Variants in AGTPBP1 observed in about 807,000 individuals in gnomAD.
The protein encoded by AGTPBP1 is cytosolic carboxypeptidase 1.
In AGTPBP1, 70 loss-of-function variants were observed where a neutral mutation model predicts 143.9. The ratio of observed to expected loss-of-function variants is 0.49; its 90% CI spans 0.40 to 0.59. AGTPBP1 has a LOEUF of 0.59. Among genes scored for constraint, AGTPBP1 ranks in the 20% least tolerant of loss-of-function variants. The pLI is 0.00. For missense variants in AGTPBP1, 1,229 were observed against 1,464.5 expected, an observed-to-expected ratio of 0.84 and a Z score of 2.62; for synonymous variants, 463 against 500.2, an observed-to-expected ratio of 0.93 and a Z score of 0.99.
chr9:85,632,149 C>A (rs945879113), intron 14 of AGTPBP1, among the ~76,000 whole-genome samples: 1 of 151,646 alleles, frequency 6.6e-6, no homozygotes, highest in South Asian at 2.1e-4. Context: ...ACATACAATG[C>A]GTAATAATCA....
Position 85,647,428 on chromosome 9 carries a change from A to G in AGTPBP1, c.1088-1010T>C, listed in dbSNP as rs367780038. ...ATGAGGTTAAAGAGCAGAAAGGAGT[A>G]AACATGTAATTATAATACCAAAGAT... On this transcript the variant is annotated intron_variant, in intron 11 of 25. Transcript: ENST00000357081. Among the ~76,000 whole-genome samples, 23 of 152,344 alleles carry G rather than the reference A, an allele frequency of 1.5e-4. 1 individual carries two copies. The highest frequency in any genetic ancestry group is 5.5e-4 in the African/African-American group (23 of 41,582).
At chr9:85,561,462 T>G (rs76587662) in intron 25 of AGTPBP1, among the ~76,000 whole-genome samples, 8,823 of 150,714 alleles carry the variant, frequency 0.059, 347 homozygotes, top group Non-Finnish European at 0.087. Context: ...ATCCTAACAG[T>G]GGAGGACAGA....
chr9:85,601,178 T>C (rs554417903), intron 17 of AGTPBP1, among the ~76,000 whole-genome samples: 3 of 152,276 alleles, frequency 2.0e-5, no homozygotes, highest in East Asian at 1.9e-4. Context: ...GATAGCTGCA[T>C]AGCAATCCCT....
chr9:85,720,329 C>T (rs1838021418), intron 1 of AGTPBP1, among the ~76,000 whole-genome samples: 1 of 152,306 alleles, frequency 6.6e-6, no homozygotes, highest in Admixed American at 6.5e-5. Flanking sequence ...ATTGTTGCCT[C>T]AATTTCAGAA....
intron 23 of AGTPBP1, among the ~76,000 whole-genome samples, chr9:85,579,323 C>T (rs899718449): frequency 2.0e-5 from 3 of 151,942 alleles, no homozygotes; most frequent in African/African-American, 7.3e-5. Context: ...ATGGAAGAAT[C>T]GTATTCACGG....
chr9:85,765,412 T>G, the AGTPBP1 span, among the ~76,000 whole-genome samples: 3 of 152,170 alleles, frequency 2.0e-5, no homozygotes. Flanking sequence ...GCCAAATAGA[T>G]GCACAAAATT....
At chr9:85,741,745 G>A in intron 1 of AGTPBP1, 30 bp downstream of exon 1, 2 of 1,290,030 alleles carry the variant, frequency 1.6e-6, no homozygotes, top group East Asian at 3.1e-5. Context: ...ACGGCCGGCC[G>A]GGACATGAGG....
intron 13 of AGTPBP1, among the ~76,000 whole-genome samples, chr9:85,641,208 C>T (rs1335570522): frequency 6.6e-6 from 1 of 152,200 alleles, no homozygotes; most frequent in South Asian, 2.1e-4. Flanking sequence ...ATATATTTCT[C>T]ATATGTACAG....
upstream of AGTPBP1, among the ~76,000 whole-genome samples, chr9:85,744,790 G>T (rs549770743): frequency 4.7e-4 from 71 of 152,312 alleles, no homozygotes; most frequent in Non-Finnish European, 8.8e-4. Flanking sequence ...TACGAAACAT[G>T]GGTGGGAGCT....
the AGTPBP1 span, among the ~76,000 whole-genome samples, chr9:85,757,813 G>A: frequency 6.6e-6 from 1 of 152,134 alleles, no homozygotes; most frequent in Non-Finnish European, 1.5e-5. Flanking sequence ...TGAAAACAGG[G>A]CATAGTCATG....
In AGTPBP1 at chr9:85,625,668, G is replaced by C. The variant is rs555447428; in HGVS notation, c.2016-4383C>G. 3.3e-5 allele frequency among the ~76,000 whole-genome samples: 5 copies of C among 151,774 alleles called. No individual in the cohort carries two copies. In the East Asian group the frequency reaches 7.8e-4, roughly 24 times the overall value. ...TGGGAGGCTGAGGTGGGCAGAACAC[G>C]ATGGCAGGAGATCGAGACCATCCTG... is the stretch of plus-strand genomic sequence containing the variant. On this transcript the variant is annotated intron_variant, in intron 14 of 25. Coordinates refer to ENST00000357081, the MANE Select transcript of AGTPBP1 (RefSeq NM_001330701.2).
chr9:85,779,279 A>G, the AGTPBP1 span, among the ~76,000 whole-genome samples: 1 of 150,322 alleles, frequency 6.7e-6, no homozygotes, highest in Non-Finnish European at 1.5e-5. Flanking sequence ...AGCTATCTAT[A>G]TAAATATCTA....
chr9:85,672,800 T>C, intron 6 of AGTPBP1, 119 bp from the exon 7 acceptor site: 1 of 711,986 alleles, frequency 1.4e-6, no homozygotes, highest in East Asian at 3.3e-5. Context: ...AGTGGCTCCA[T>C]CTCAGCTCAC....
chr9:85,652,718 G>T (rs550897127), intron 11 of AGTPBP1, among the ~76,000 whole-genome samples: 2 of 152,246 alleles, frequency 1.3e-5, no homozygotes, highest in South Asian at 4.1e-4. Flanking sequence ...CCTGAGTTCT[G>T]TGAGCCATTC....
intron 2 of AGTPBP1, among the ~76,000 whole-genome samples, chr9:85,699,151 T>A (rs1270265670): frequency 6.6e-6 from 1 of 152,096 alleles, no homozygotes; most frequent in East Asian, 1.9e-4. Flanking sequence ...TAATTTCATT[T>A]ATTTATTTAT....
At chr9:85,590,329 A>AT (rs1301687903) in intron 19 of AGTPBP1, among the ~76,000 whole-genome samples, 3 of 152,186 alleles carry the variant, frequency 2.0e-5, no homozygotes, top group Non-Finnish European at 2.9e-5. Flanking sequence ...ATTTGATTTT[A>AT]TCACTTAAAA....
At chr9:85,714,483 T>A (rs1403197606) in intron 1 of AGTPBP1, among the ~76,000 whole-genome samples, 1 of 152,222 alleles carries the variant, frequency 6.6e-6, no homozygotes, top group African/African-American at 2.4e-5. Flanking sequence ...TTCTATGCAG[T>A]CATGTATCCT....
At chr9:85,746,810 A>G (rs1327826433), upstream of AGTPBP1, among the ~76,000 whole-genome samples, 1 of 152,112 alleles carries the variant, frequency 6.6e-6, no homozygotes, top group Non-Finnish European at 1.5e-5. Context: ...TAGCTTGACT[A>G]TAGTAATCAT....
At chr9:85,756,549 A>ATAGT in the AGTPBP1 span, among the ~76,000 whole-genome samples, 1 of 151,874 alleles carries the variant, frequency 6.6e-6, no homozygotes, top group African/African-American at 2.4e-5. Flanking sequence ...AGATGGATAG[A>ATAGT]TAGATAGATA....
Sources: gnomAD v4.1 joint callset for allele counts (sites outside exome capture counted in the v4.1 genomes callset) on GRCh38, gnomAD v4.1.1 for gene constraint, MANE v1.5 for transcripts, NCBI Gene and HGNC (gene_info 2026-07-23, HGNC 2026-07-21) for gene names.